LRRC8B: variants seen among roughly 807,000 people sequenced by gnomAD.
The protein encoded by LRRC8B is leucine rich repeat containing 8 VRAC subunit B.
LRRC8B carries 23 observed loss-of-function variants against 58.8 expected under a neutral mutation model. That is an observed-to-expected ratio of 0.39 (90% CI 0.28 to 0.55). LRRC8B has a LOEUF of 0.55. Among genes scored for constraint, LRRC8B ranks in the 20% least tolerant of loss-of-function variants. LRRC8B has a pLI of 0.62. For synonymous variants in LRRC8B, 359 were observed against 374.1 expected (o/e 0.96, Z 0.47); for missense variants, 694 against 936.0 (o/e 0.74, Z 3.37).
Position 89,583,795 on chromosome 1 carries a change from A to G in LRRC8B, c.1145A>G (p.Lys382Arg), listed in dbSNP as rs745973494. 5 of 1,614,144 alleles carry G rather than the reference A, an allele frequency of 3.1e-6. No homozygotes were observed. Among genetic ancestry groups the G allele is most frequent in the South Asian group, 2.2e-5 (2 of 91,084 alleles). The change falls in exon 5 of 6, where the codon AAA becomes AGA. Residue 382 changes from lysine to arginine, a missense_variant. Coordinates refer to ENST00000330947, the MANE Select transcript of LRRC8B (RefSeq NM_001369817.2). This position sits in a 1 kb window ranked among gnomAD's most constrained non-coding sequence, Gnocchi z 5.2. The stretch of plus-strand genomic sequence containing the variant: ...GATCAGTATGATCCTCTTTATTCCA[A>G]ACGCTTCTCCATATTCCTATCAGAG... ...LADQYDPLYS[K>R]RFSIFLSEVS...
intron 1 of LRRC8B, among the ~76,000 whole-genome samples, chr1:89,562,838 C>A (rs1195102235): frequency 6.6e-6 from 1 of 152,130 alleles, no homozygotes; most frequent in Non-Finnish European, 1.5e-5. Flanking sequence ...TTCTCTCTCC[C>A]ACCCAAATCA....
intron 1 of LRRC8B, among the ~76,000 whole-genome samples, chr1:89,553,207 A>G (rs1651945327): frequency 6.6e-6 from 1 of 152,238 alleles, no homozygotes; most frequent in South Asian, 2.1e-4. Context: ...CTTATTTCGC[A>G]CTGAAATTAA....
intron 1 of LRRC8B, among the ~76,000 whole-genome samples, chr1:89,565,097 T>C (rs1652954050): frequency 6.6e-6 from 1 of 152,188 alleles, no homozygotes; most frequent in Non-Finnish European, 1.5e-5. Context: ...AATTAGAACA[T>C]TTATGAAGCA....
chr1:89,565,078 G>C (rs191794903), intron 1 of LRRC8B, among the ~76,000 whole-genome samples: 100 of 152,286 alleles, frequency 6.6e-4, no homozygotes, highest in African/African-American at 2.4e-3. Context: ...ATAGCTCACA[G>C]CATTGTGGAA....
intron 1 of LRRC8B, among the ~76,000 whole-genome samples, chr1:89,560,529 C>G (rs1252137056): frequency 1.3e-5 from 2 of 151,012 alleles, no homozygotes; most frequent in African/African-American, 2.4e-5. Flanking sequence ...AATGCTATCC[C>G]TCCCCCCTTC....
At chr1:89,543,705 A>G (rs1651192210) in intron 1 of LRRC8B, among the ~76,000 whole-genome samples, 1 of 150,496 alleles carries the variant, frequency 6.6e-6, no homozygotes, top group South Asian at 2.1e-4. Context: ...CACATTGGTC[A>G]GGCTGGTCTC....
intron 5 of LRRC8B, among the ~76,000 whole-genome samples, chr1:89,592,129 A>G (rs1294933702): frequency 6.6e-6 from 1 of 152,206 alleles, no homozygotes; most frequent in Non-Finnish European, 1.5e-5. Context: ...CATAATATTT[A>G]TTATATTTAA....
In LRRC8B at chr1:89,584,528, C is replaced by A; in HGVS notation, c.1878C>A (p.Ile626=). 6.2e-7 allele frequency: 1 copy of A among 1,614,202 alleles called. No individual in the cohort carries two copies. The highest frequency in any genetic ancestry group is 8.5e-7 in the Non-Finnish European group (1 of 1,180,034). The change falls in exon 5 of 6, where the codon ATC becomes ATA. Residue 626 remains isoleucine (I), a synonymous_variant. Transcript: ENST00000330947. ...ATAACCTTAAAACTGTGGAAGAGAT[C>A]ATTAGCTTTCAGCATCTTCAGAATC... ...RENNLKTVEE[I]ISFQHLQNLS...
Position 89,583,250 on chromosome 1 carries a change from T to C in LRRC8B, c.600T>C (p.Asp200=). 3 of 1,614,154 alleles carry C rather than the reference T, an allele frequency of 1.9e-6. No individual in the cohort carries two copies. Among genetic ancestry groups the C allele is most frequent in the Non-Finnish European group, 2.5e-6 (3 of 1,180,012 alleles). ...LSSSGCSADI[D]SGKQSLPYPQ... is the part of the protein sequence containing the mutation. ...CCTCAGGGTGTTCAGCTGACATAGA[T>C]TCCGGCAAACAGTCATTGCCCTACC... Residue 200 remains aspartate (D), a synonymous_variant, in exon 5 of 6, where the codon GAT becomes GAC. Transcript: ENST00000330947. This position sits in a 1 kb window ranked among gnomAD's most constrained non-coding sequence, Gnocchi z 5.2.
intron 1 of LRRC8B, among the ~76,000 whole-genome samples, chr1:89,525,984 C>T (rs990099393): frequency 1.3e-5 from 2 of 152,160 alleles, no homozygotes; most frequent in African/African-American, 4.8e-5. Flanking sequence ...CATTACGTAG[C>T]ATGATTTTTA....
rs556386687 is a variant in LRRC8B, at chr1:89,575,296, A to G, written c.-124-4295A>G. Among the ~76,000 whole-genome samples, 4 of 152,284 alleles carry G rather than the reference A, an allele frequency of 2.6e-5. No individual in the cohort carries two copies. The East Asian group carries it at 5.8e-4, about 22-fold the overall frequency. ...TGTGTCACTGTGTAGCTTCAAGCCT[A>G]TGCCTTAAAAGAGCTGTAGCTTTCA... On this transcript the variant is annotated intron_variant, in intron 3 of 5. Coordinates refer to ENST00000330947, the MANE Select transcript of LRRC8B (RefSeq NM_001369817.2).
intron 1 of LRRC8B, among the ~76,000 whole-genome samples, chr1:89,526,708 T>C (rs928279616): frequency 3.3e-5 from 5 of 152,032 alleles, no homozygotes; most frequent in Non-Finnish European, 5.9e-5. Context: ...TGTCATTGAG[T>C]GCACCCTTGG....
intron 4 of LRRC8B, 48 bp downstream of exon 4, chr1:89,579,736 A>C (rs1228948578): frequency 3.3e-5 from 5 of 152,534 alleles, no homozygotes; most frequent in African/African-American, 9.7e-5. Flanking sequence ...GTTGACTTGT[A>C]TTTTTATTGA....
chr1:89,550,849 G>A (rs538093770), intron 1 of LRRC8B, among the ~76,000 whole-genome samples: 34 of 152,162 alleles, frequency 2.2e-4, no homozygotes, highest in African/African-American at 8.2e-4. Context: ...GTTCCTGCCT[G>A]GTTTCCTTAC....
intron 1 of LRRC8B, among the ~76,000 whole-genome samples, chr1:89,563,481 C>G (rs1337500345): frequency 1.3e-5 from 2 of 152,128 alleles, no homozygotes; most frequent in African/African-American, 4.8e-5. Context: ...CCTTATGGGC[C>G]ACACAATAAA....
intron 1 of LRRC8B, among the ~76,000 whole-genome samples, chr1:89,556,734 C>T (rs1029977641): frequency 6.6e-6 from 1 of 152,188 alleles, no homozygotes; most frequent in Non-Finnish European, 1.5e-5. Context: ...TTTTGACTAC[C>T]AGCAGCCATT....
intron 4 of LRRC8B, among the ~76,000 whole-genome samples, chr1:89,580,616 C>A (rs990592346): frequency 1.3e-5 from 2 of 152,098 alleles, no homozygotes; most frequent in African/African-American, 2.4e-5. Flanking sequence ...TACCTCGACA[C>A]ACAATTATGT....
intron 1 of LRRC8B, among the ~76,000 whole-genome samples, chr1:89,548,355 A>G (rs1200205789): frequency 1.3e-5 from 2 of 152,204 alleles, no homozygotes; most frequent in Non-Finnish European, 2.9e-5. Context: ...AATCCAGTTG[A>G]CATGGAAAAA....
chr1:89,592,969 G>T lies in LRRC8B; in HGVS notation c.2338G>T (p.Val780Phe). Residue 780 changes from valine to phenylalanine, a missense_variant, in exon 6 of 6, where the codon GTT becomes TTT. Transcript: ENST00000330947. ...CQSLKRNCLI[V>F]EENLLNTLPL... ...GTCCCTAAAACGGAACTGTCTGATT[G>T]TTGAGGAGAACTTGCTCAATACTCT... 6.2e-7 allele frequency: 1 copy of T among 1,614,110 alleles called. No individual in the cohort carries two copies. The highest frequency in any genetic ancestry group is 8.5e-7 in the Non-Finnish European group (1 of 1,179,962).
Sources: allele counts gnomAD v4.1 joint callset (sites outside exome capture counted in the v4.1 genomes callset), GRCh38; gene constraint gnomAD v4.1.1; non-coding constraint Gnocchi (gnomAD v3.1); transcripts MANE v1.5; gene names NCBI Gene and HGNC (gene_info 2026-07-23, HGNC 2026-07-21).